The following TENM2 variants were observed in gnomAD, a reference collection of about 807,000 sequenced individuals.
TENM2 encodes the protein teneurin-2.
A neutral mutation model predicts 245.2 loss-of-function variants in TENM2; 52 were observed. That is an observed-to-expected ratio of 0.21 (90% CI 0.17 to 0.27). TENM2 has a LOEUF of 0.27. TENM2 is among the 10% of genes least tolerant of loss of function. TENM2 has a pLI of 1.00. For missense variants in TENM2, 3,046 were observed against 3,666.8 expected, an observed-to-expected ratio of 0.83 and a Z score of 4.37; for synonymous variants, 1,363 against 1,438.9, an observed-to-expected ratio of 0.95 and a Z score of 1.19.
the TENM2 span, among the ~76,000 whole-genome samples, chr5:167,205,139 G>A: frequency 6.6e-6 from 1 of 152,322 alleles, no homozygotes; most frequent in Admixed American, 6.5e-5. Context: ...CCAGCACTTT[G>A]GGAGGCCAAG....
At chr5:167,431,983 G>A (rs981091729) in intron 2 of TENM2, among the ~76,000 whole-genome samples, 5 of 86,164 alleles carry the variant, frequency 5.8e-5, no homozygotes, top group Non-Finnish European at 2.3e-5. Flanking sequence ...ATATATGGAA[G>A]TTCAATGCTT....
At chr5:167,074,302 T>A in the TENM2 span, among the ~76,000 whole-genome samples, 2,084 of 152,324 alleles carry the variant, frequency 0.014, 51 homozygotes, top group African/African-American at 0.048. Flanking sequence ...TTCTTTTTTT[T>A]AATTCTTGAT....
At chr5:167,782,770 T>A (rs1304961738) in intron 2 of TENM2, among the ~76,000 whole-genome samples, 3 of 152,160 alleles carry the variant, frequency 2.0e-5, no homozygotes, top group African/African-American at 7.2e-5. Context: ...CTTTTAATTT[T>A]CCCCACCTCA....
At chr5:166,996,012 A>G in the TENM2 span, among the ~76,000 whole-genome samples, 1 of 152,158 alleles carries the variant, frequency 6.6e-6, no homozygotes, top group South Asian at 2.1e-4. Flanking sequence ...ATTAATTAAA[A>G]AATTTGCTAT....
chr5:168,260,159 C>G, intron 27 of TENM2, 124 bp from the exon 30 acceptor site: 378 of 875,340 alleles, frequency 4.3e-4, no homozygotes, highest in Non-Finnish European at 6.1e-4. Flanking sequence ...GTCATAAGCT[C>G]TTCCTCCCTC....
intron 9 of TENM2, among the ~76,000 whole-genome samples, chr5:168,115,366 A>AAGGG (rs1794984961): frequency 1.2e-5 from 1 of 81,114 alleles, no homozygotes; most frequent in Non-Finnish European, 2.6e-5. Context: ...GAAGGGAAGG[A>AAGGG]AGGAAGGAAG....
At chr5:167,644,317 C>G (rs1779793920) in intron 2 of TENM2, among the ~76,000 whole-genome samples, 1 of 152,172 alleles carries the variant, frequency 6.6e-6, no homozygotes, top group African/African-American at 2.4e-5. Flanking sequence ...ACCTGAGTCC[C>G]TTGTTATTCT....
At chr5:168,009,613 A>AAAT (rs1785076921) in intron 5 of TENM2, among the ~76,000 whole-genome samples, 1 of 152,302 alleles carries the variant, frequency 6.6e-6, no homozygotes, top group Non-Finnish European at 1.5e-5. Flanking sequence ...GCCCGAAGTA[A>AAAT]AGCATCAAAT....
chr5:167,255,231 C>T, the TENM2 span, among the ~76,000 whole-genome samples: 1 of 152,050 alleles, frequency 6.6e-6, no homozygotes, highest in Non-Finnish European at 1.5e-5. Flanking sequence ...TTTATTGACA[C>T]TGTCAAATTG....
At chr5:168,222,798 A>G (rs1190332646) in intron 23 of TENM2, among the ~76,000 whole-genome samples, 2 of 152,078 alleles carry the variant, frequency 1.3e-5, no homozygotes, top group Middle Eastern at 3.4e-3. Context: ...CATGCTGTCT[A>G]TTTTCTATCT....
At chr5:167,539,417 A>G (rs1476809675) in intron 2 of TENM2, among the ~76,000 whole-genome samples, 4 of 152,134 alleles carry the variant, frequency 2.6e-5, no homozygotes, top group Non-Finnish European at 5.9e-5. Flanking sequence ...CTTTTTTTTA[A>G]CCAGTAAAAG....
chr5:167,943,221 T>A (rs1287135814), intron 3 of TENM2, among the ~76,000 whole-genome samples: 1 of 152,234 alleles, frequency 6.6e-6, no homozygotes. Flanking sequence ...GGAACCTTTA[T>A]CCCATCCTTG....
At chr5:167,620,925 T>C (rs17417644) in intron 2 of TENM2, among the ~76,000 whole-genome samples, 1,619 of 152,282 alleles carry the variant, frequency 0.011, 24 homozygotes, top group Non-Finnish European at 0.014. Flanking sequence ...GAATAATTAA[T>C]GATGGTAATG....
intron 2 of TENM2, among the ~76,000 whole-genome samples, chr5:167,848,134 A>T (rs1000260561): frequency 6.6e-6 from 1 of 152,198 alleles, no homozygotes; most frequent in African/African-American, 2.4e-5. Context: ...AGGAACATGT[A>T]GAGAAATAGA....
At chr5:167,562,402 A>T (rs1582395135) in intron 2 of TENM2, among the ~76,000 whole-genome samples, 1 of 152,242 alleles carries the variant, frequency 6.6e-6, no homozygotes, top group East Asian at 1.9e-4. Flanking sequence ...AATGGGGAGA[A>T]TGAGGTGTGG....
At chr5:167,477,260 A>G (rs12657408) in intron 2 of TENM2, among the ~76,000 whole-genome samples, 98,403 of 144,902 alleles carry the variant, frequency 0.68, 33,936 homozygotes, top group Non-Finnish European at 0.75. Flanking sequence ...TGAGTGAATA[A>G]TAGTAAAAAA....
intron 1 of TENM2, chr5:167,306,366 A>C (rs1755678445): frequency 6.6e-6 from 1 of 152,168 alleles, no homozygotes; most frequent in African/African-American, 2.4e-5. Context: ...CTTGAGACAC[A>C]CAGTAAGTAC....
chr5:167,482,201 C>T (rs1767797570), intron 2 of TENM2, among the ~76,000 whole-genome samples: 1 of 152,182 alleles, frequency 6.6e-6, no homozygotes, highest in Non-Finnish European at 1.5e-5. Context: ...ACCCTGCTAA[C>T]ATGTTAGTGT....
chr5:168,022,085 T>C (rs980979372), intron 5 of TENM2, among the ~76,000 whole-genome samples: 3 of 152,276 alleles, frequency 2.0e-5, no homozygotes, highest in African/African-American at 7.2e-5. Flanking sequence ...TTAAAATCAA[T>C]ATTGTACTCC....
Sources: gnomAD v4.1 joint callset for allele counts (sites outside exome capture counted in the v4.1 genomes callset) on GRCh38, gnomAD v4.1.1 for gene constraint, MANE v1.5 for transcripts, NCBI Gene and HGNC (gene_info 2026-07-23, HGNC 2026-07-21) for gene names.